Variants in PHLPP2 observed in about 807,000 individuals in gnomAD.
The protein encoded by PHLPP2 is PH domain and leucine rich repeat protein phosphatase 2.
Under a neutral mutation model 124.9 loss-of-function variants are expected in PHLPP2, and 66 were observed. The observed-to-expected ratio is 0.53, with a 90% CI of 0.43 to 0.65. The LOEUF (loss-of-function observed/expected upper bound fraction) is 0.65. Ranked by LOEUF, PHLPP2 falls within the 30% of genes least tolerant of loss-of-function variation. PHLPP2 has a pLI of 0.00. For synonymous variants in PHLPP2, 681 were observed against 624.7 expected (o/e 1.09, Z -1.34); for missense variants, 1,685 against 1,600.4 (o/e 1.05, Z -0.90).
chr16:71,700,759 T>C (rs892027833), intron 3 of PHLPP2, among the ~76,000 whole-genome samples: 2 of 152,084 alleles, frequency 1.3e-5, no homozygotes, highest in African/African-American at 4.8e-5. Context: ...TCTCCTGACC[T>C]TGTGATCTGC....
At chr16:71,660,372 CAAAAAAAAAA>C (rs1158155665) in intron 13 of PHLPP2, among the ~76,000 whole-genome samples, 1 of 26,992 alleles carries the variant, frequency 3.7e-5, no homozygotes, top group South Asian at 2.0e-3. Flanking sequence ...GACCTTGTCT[CAAAAAAAAAA>C]AAAAAAAAAA....
chr16:71,678,959 T>TTGCCATCAAGACAGAGG lies in PHLPP2; in HGVS notation c.1047_1063dup (p.Asn355ThrfsTer9), dbSNP rs1567619281. ...TTCTTCAGGTAAAGTAGTCAGAAAG[T>TTGCCATCAAGACAGAGG]TGCCATCAAGACAGAGGGTTTGAAG... On this transcript the variant is annotated frameshift_variant, in exon 8 of 19. Coordinates refer to ENST00000568954, the MANE Select transcript of PHLPP2 (RefSeq NM_015020.3). LOFTEE classifies it high-confidence loss of function. 1 of 1,610,290 alleles carries TTGCCATCAAGACAGAGG rather than the reference T, an allele frequency of 6.2e-7. No homozygotes were observed. The highest frequency in any genetic ancestry group is 8.5e-7 in the Non-Finnish European group (1 of 1,176,998).
intron 17 of PHLPP2, among the ~76,000 whole-genome samples, chr16:71,654,857 A>C (rs545472620): frequency 1.7e-4 from 26 of 152,320 alleles, no homozygotes; most frequent in African/African-American, 5.8e-4. Context: ...GGCATTCTAA[A>C]CGTTATCAAT....
Position 71,714,515 on chromosome 16 carries a change from A to G in PHLPP2, c.281T>C (p.Val94Ala). ...AGTGGTAAAACTGAGACCTCACCTG[A>G]CCAGGTCTCCATGAAGCTGTAAATA... ...SLYLQLHGDL[V>A]RRLEPTERPL... is the part of the protein sequence containing the mutation. Residue 94 changes from valine to alanine, a missense_variant, in exon 2 of 19, where the codon GTC becomes GCC. Physicochemically the swap from Val to Ala is moderately conservative, Grantham distance 64 (BLOSUM62 0). Transcript: ENST00000568954. 6.2e-7 allele frequency: 1 copy of G among 1,601,734 alleles called. No homozygotes were observed. The highest frequency in any genetic ancestry group is 8.5e-7 in the Non-Finnish European group (1 of 1,171,230).
At chr16:71,711,428 A>G (rs1462228016) in intron 2 of PHLPP2, among the ~76,000 whole-genome samples, 3 of 152,218 alleles carry the variant, frequency 2.0e-5, no homozygotes, top group Non-Finnish European at 4.4e-5. Flanking sequence ...AATATTTAAA[A>G]GTATGTGGGA....
intron 3 of PHLPP2, among the ~76,000 whole-genome samples, chr16:71,691,218 G>A (rs937184525): frequency 6.6e-6 from 1 of 152,124 alleles, no homozygotes; most frequent in Non-Finnish European, 1.5e-5. Context: ...CTTTGGGGGG[G>A]CCAAGGCGGG....
chr16:71,709,041 T>G (rs1294440129), intron 2 of PHLPP2, among the ~76,000 whole-genome samples: 1 of 152,170 alleles, frequency 6.6e-6, no homozygotes, highest in Non-Finnish European at 1.5e-5. Flanking sequence ...TCAACTCTAA[T>G]ATATATGCTG....
chr16:71,715,258 T>G (rs115615887), intron 1 of PHLPP2: 6,768 of 160,784 alleles, frequency 0.042, 477 homozygotes, highest in African/African-American at 0.15. Context: ...TACTTGAGGG[T>G]GGAGAACAGA....
At chr16:71,682,285 T>C (rs2045008249) in intron 5 of PHLPP2, among the ~76,000 whole-genome samples, 2 of 150,366 alleles carry the variant, frequency 1.3e-5, no homozygotes, top group Admixed American at 1.3e-4. Flanking sequence ...TGGCACGATC[T>C]CAGCTTACTG....
At chr16:71,681,643 G>C (rs998352755) in intron 6 of PHLPP2, 108 bp downstream of exon 6, 1 of 827,012 alleles carries the variant, frequency 1.2e-6, no homozygotes, top group African/African-American at 1.8e-5. Context: ...TCTTCAAAAG[G>C]GAGGGGAAAT....
Position 71,676,431 on chromosome 16 carries a change from T to C in PHLPP2, c.1471+16A>G, listed in dbSNP as rs770821190. 7 of 1,606,516 alleles carry C rather than the reference T, an allele frequency of 4.4e-6. No individual in the cohort carries two copies. In the South Asian group the frequency reaches 4.4e-5, roughly 10 times the overall value. On this transcript the variant is annotated intron_variant, in intron 9 of 18. Transcript: ENST00000568954. The stretch of plus-strand genomic sequence containing the variant: ...AGCTGAAAGAGAAAAAACAAAAGGC[T>C]GCAGAGAAAACTCACTGTTGGAACT...
Position 71,684,584 on chromosome 16 carries a change from T to A in PHLPP2, c.627A>T (p.Arg209=). ...AGCTGAAAGCAAGGGAGTATTGCCG[T>A]CGCTTCACTTCTTCTATCTGAAGAA... is the stretch of plus-strand genomic sequence containing the variant. ...LVGGKIEEVK[R]RQYSLAFSSA... Residue 209 remains arginine (R), a synonymous_variant, in exon 5 of 19, where the codon CGA becomes CGT. Transcript: ENST00000568954. The A allele has an allele frequency of 7.4e-6, 12 of 1,612,836 alleles. No individual in the cohort carries two copies. Among genetic ancestry groups the A allele is most frequent in the Non-Finnish European group, 1.0e-5 (12 of 1,179,396 alleles).
rs1235275357 is a variant in PHLPP2 at position 71,714,788 on chromosome 16, C to T, written c.8G>A (p.Arg3His). 20 of 1,610,238 alleles carry T rather than the reference C, an allele frequency of 1.2e-5. No homozygotes were observed. The highest frequency in any genetic ancestry group is 1.7e-5 in the Non-Finnish European group (20 of 1,178,004). ...ATTCAAACAATTTCTGCTCCCATTG[C>T]GTTTCATATTTCTCTAAAAAATATC... MK[R>H]NGSRNCLNRR... is the part of the protein sequence containing the mutation. The change falls in exon 2 of 19, where the codon CGC becomes CAC. Residue 3 changes from arginine (R) to histidine (H), a missense_variant. By Grantham distance (29) the Arg-to-His change is conservative. Coordinates refer to ENST00000568954, the MANE Select transcript of PHLPP2 (RefSeq NM_015020.3).
intron 1 of PHLPP2, among the ~76,000 whole-genome samples, chr16:71,720,593 G>A (rs925492894): frequency 1.2e-4 from 19 of 152,148 alleles, no homozygotes; most frequent in Middle Eastern, 3.4e-3. Context: ...GGCCGGGTGC[G>A]GTGGCTCATG....
chr16:71,710,088 A>G (rs2045313675), intron 2 of PHLPP2, among the ~76,000 whole-genome samples: 2 of 152,130 alleles, frequency 1.3e-5, no homozygotes, highest in South Asian at 4.1e-4. Flanking sequence ...AGCCCAAGCA[A>G]TCCTTCTGCC....
chr16:71,672,990 C>T (rs906412224), intron 9 of PHLPP2, among the ~76,000 whole-genome samples: 2 of 152,204 alleles, frequency 1.3e-5, no homozygotes, highest in Admixed American at 6.5e-5. Flanking sequence ...TTCATTCACT[C>T]CACAATATGC....
At chr16:71,687,681 T>C (rs1036591777) in intron 4 of PHLPP2, among the ~76,000 whole-genome samples, 4 of 152,216 alleles carry the variant, frequency 2.6e-5, no homozygotes, top group Admixed American at 2.0e-4. Context: ...CCTAATAAAT[T>C]TTAAGATTAT....
chr16:71,682,708 G>C (rs958867807), intron 5 of PHLPP2, among the ~76,000 whole-genome samples: 2 of 152,128 alleles, frequency 1.3e-5, no homozygotes, highest in African/African-American at 4.8e-5. Context: ...CAGAAGAATG[G>C]AATAGGTACT....
In PHLPP2 at chr16:71,652,810, G is replaced by C; in HGVS notation, c.2797C>G (p.Gln933Glu). 4 of 1,613,570 alleles carry C rather than the reference G, an allele frequency of 2.5e-6. No individual in the cohort carries two copies. The highest frequency in any genetic ancestry group is 3.4e-6 in the Non-Finnish European group (4 of 1,179,518). ...CACACCTCTGTGATGATGGCTTTTT[G>C]GTCCTTCACCCTTTGAGCCTCCTCT... ...DPEEAQRVKD[Q>E]KAIITEDNKV... The change falls in exon 18 of 19, where the codon CAA (glutamine) becomes GAA (glutamate). Residue 933 changes from glutamine to glutamate, a missense_variant. Coordinates refer to ENST00000568954, the MANE Select transcript of PHLPP2 (RefSeq NM_015020.3).
Sources: allele counts gnomAD v4.1 joint callset (sites outside exome capture counted in the v4.1 genomes callset), GRCh38; gene constraint gnomAD v4.1.1; transcripts MANE v1.5; gene names NCBI Gene and HGNC (gene_info 2026-07-23, HGNC 2026-07-21).